GGA3: variants seen among roughly 807,000 people sequenced by gnomAD.
GGA3 encodes the protein ADP-ribosylation factor-binding protein GGA3.
GGA3 carries 57 observed loss-of-function variants against 77.5 expected under a neutral mutation model. The ratio of observed to expected loss-of-function variants is 0.74; its 90% CI spans 0.59 to 0.92. The LOEUF is 0.92. Ranked by LOEUF, GGA3 falls within the 40% of genes least tolerant of loss-of-function variation. The pLI is 0.00. For synonymous variants in GGA3, 416 were observed against 383.7 expected, an observed-to-expected ratio of 1.08 and a Z score of -0.98; for missense variants, 970 against 914.9, an observed-to-expected ratio of 1.06 and a Z score of -0.78.
upstream of GGA3, chr17:75,261,837 G>C: frequency 6.5e-7 from 1 of 1,539,608 alleles, no homozygotes. Flanking sequence ...TTTTTCACCC[G>C]TTTCCCGTCA....
chr17:75,256,759 G>A (rs1040679565), intron 1 of GGA3, among the ~76,000 whole-genome samples: 7 of 152,008 alleles, frequency 4.6e-5, no homozygotes, highest in African/African-American at 1.7e-4. Context: ...CATCAAGCTT[G>A]AAGATTTGCC....
chr17:75,240,350 G>C lies in GGA3; in HGVS notation c.1255C>G (p.Leu419Val), dbSNP rs2076500561. Residue 419 changes from leucine to valine, a missense_variant, in exon 12 of 17, where the codon CTG becomes GTG. Coordinates refer to ENST00000537686, the MANE Select transcript of GGA3 (RefSeq NM_138619.4). The stretch of plus-strand genomic sequence containing the variant: ...CGATCCTGTGCCCCTACCTGGAGCA[G>C]GTGCCACTGGCTGTTCCCAGCTGAC... ...KESAGNSQWHLLQREQSDLDF... is the reference protein window; with the variant it reads ...KESAGNSQWHVLQREQSDLDF... The C allele has an allele frequency of 1.3e-6, 2 of 1,594,102 alleles. No individual in the cohort carries two copies. Among genetic ancestry groups the C allele is most frequent in the Admixed American group, 1.8e-5 (1 of 56,740 alleles).
chr17:75,248,986 C>A, intron 1 of GGA3: 1 of 985,248 alleles, frequency 1.0e-6, no homozygotes, highest in Non-Finnish European at 1.2e-6. Context: ...GGCTCGGCCT[C>A]CCCGGCAGTG....
chr17:75,240,142 CGGGTGGGGAGGG>C, intron 12 of GGA3, 34 bp from the exon 13 acceptor site: 1 of 301,868 alleles, frequency 3.3e-6, no homozygotes, highest in Non-Finnish European at 6.3e-6. Context: ...GAGCCGAGGG[CGGGTGGGGAGGG>C]CCTGCCGCTG....
intron 1 of GGA3, among the ~76,000 whole-genome samples, chr17:75,255,762 CA>C (rs564229403): frequency 1.0e-3 from 156 of 152,316 alleles, no homozygotes; most frequent in African/African-American, 3.1e-3. Flanking sequence ...GGTACCAAAC[CA>C]TATACTCTCC....
In GGA3 at chr17:75,242,840, C is replaced by A; in HGVS notation, c.600G>T (p.Met200Ile). 6.2e-7 allele frequency: 1 copy of A among 1,613,520 alleles called. No individual in the cohort carries two copies. Among genetic ancestry groups the A allele is most frequent in the South Asian group, 1.1e-5 (1 of 91,086 alleles). ...ACCGGGGCCCACTCACTTCCTTCACCATGGACTTGATGAGCTTGTTGGCCT... is the reference window on the plus strand; with the variant it reads ...ACCGGGGCCCACTCACTTCCTTCACAATGGACTTGATGAGCTTGTTGGCCT... ...LQEANKLIKS[M>I]VKEDEARIQK... Residue 200 changes from methionine to isoleucine, a missense_variant, in exon 7 of 17, where the codon ATG becomes ATT. Physicochemically the swap from Met to Ile is conservative, Grantham distance 10. Transcript: ENST00000537686.
In GGA3 at chr17:75,239,826, G is replaced by C. The variant is rs773626971; in HGVS notation, c.1546C>G (p.Leu516Val). ...LALGNSALHH[L>V]DALDQLLEEA... ...TCTAGAAGCTGATCGAGGGCATCCA[G>C]GTGGTGCAGCGCGCTGTTGCCCAAC... The change falls in exon 13 of 17, where the codon CTG becomes GTG. Residue 516 changes from leucine (L) to valine (V), a missense_variant. By Grantham distance (32) the Leu-to-Val change is conservative (BLOSUM62 1). Transcript: ENST00000537686. 4 of 1,613,850 alleles carry C rather than the reference G, an allele frequency of 2.5e-6. No homozygotes were observed. The African/African-American group carries it at 4.0e-5, about 16-fold the overall frequency.
chr17:75,258,951 TC>T (rs2077249353), intron 1 of GGA3, among the ~76,000 whole-genome samples: 1 of 141,300 alleles, frequency 7.1e-6, no homozygotes, highest in Admixed American at 6.9e-5. Flanking sequence ...CTGCCTTGTA[TC>T]TTTTTTTTTT....
chr17:75,259,157 T>C (rs2077259654), intron 1 of GGA3, among the ~76,000 whole-genome samples: 1 of 152,042 alleles, frequency 6.6e-6, no homozygotes, highest in Non-Finnish European at 1.5e-5. Context: ...GGTTTCACTG[T>C]GTTAGCCAGG....
At chr17:75,244,203 C>A (rs2076675098) in intron 4 of GGA3, among the ~76,000 whole-genome samples, 1 of 152,136 alleles carries the variant, frequency 6.6e-6, no homozygotes, top group Non-Finnish European at 1.5e-5. Flanking sequence ...TAAGTGGGGG[C>A]CCAGAGCTGC....
chr17:75,241,362 T>C (rs778581598), intron 10 of GGA3, 38 bp downstream of exon 10: 1 of 1,326,718 alleles, frequency 7.5e-7, no homozygotes, highest in South Asian at 1.2e-5. Context: ...CTGAGGCTGG[T>C]CTGGAGGAGC....
chr17:75,240,174 G>A lies in GGA3; in HGVS notation c.1264-66C>T, dbSNP rs895977643. The A allele has an allele frequency of 7.5e-5, 100 of 1,329,448 alleles. 1 individual carries two copies. Among genetic ancestry groups the A allele is most frequent in the South Asian group, 4.6e-4 (36 of 78,044 alleles). 82.4% of individuals were successfully genotyped at this position (1,329,448 alleles called of 1,614,324 possible). ...GGAGGGCCTGCCGCTGGAACGGGGC[G>A]CAGCCCTCCAAGGACTGCACGGAAG... On this transcript the variant is annotated intron_variant, in intron 12 of 16. Coordinates refer to ENST00000537686, the MANE Select transcript of GGA3 (RefSeq NM_138619.4).
chr17:75,245,627 C>T (rs1235295743), intron 3 of GGA3, among the ~76,000 whole-genome samples: 2 of 152,116 alleles, frequency 1.3e-5, no homozygotes, highest in African/African-American at 4.8e-5. Context: ...CAGGCTCAAG[C>T]CATCCTTCAA....
At chr17:75,251,097 C>T (rs937337566) in intron 1 of GGA3, among the ~76,000 whole-genome samples, 10 of 151,706 alleles carry the variant, frequency 6.6e-5, no homozygotes, top group Admixed American at 4.6e-4. Flanking sequence ...GAAAAATCTA[C>T]GTAACAAATG....
chr17:75,253,877 C>T (rs183257640), intron 1 of GGA3, among the ~76,000 whole-genome samples: 31 of 152,242 alleles, frequency 2.0e-4, no homozygotes, highest in Non-Finnish European at 1.2e-4. Context: ...CTTAAAACCT[C>T]GTCAACTCGC....
At chr17:75,242,547 T>C (rs2076597837) in intron 7 of GGA3, 74 bp from the exon 8 acceptor site, 1 of 1,566,470 alleles carries the variant, frequency 6.4e-7, no homozygotes, top group Non-Finnish European at 8.8e-7. Context: ...GGTCACACCT[T>C]ACCCCACAAC....
upstream of GGA3, chr17:75,261,972 G>T (rs753358709): frequency 6.2e-7 from 1 of 1,602,226 alleles, no homozygotes; most frequent in Non-Finnish European, 8.5e-7. Flanking sequence ...GGGCTGTCTT[G>T]CAGCTTCCAG....
At chr17:75,245,118 G>C (rs557139912) in intron 3 of GGA3, among the ~76,000 whole-genome samples, 1 of 152,294 alleles carries the variant, frequency 6.6e-6, no homozygotes, top group East Asian at 1.9e-4. Context: ...ACCAACAATT[G>C]TGCAGGGAAT....
At chr17:75,244,799 GA>G (rs760409914) in intron 3 of GGA3, 82 bp from the exon 4 acceptor site, 3 of 871,170 alleles carry the variant, frequency 3.4e-6, no homozygotes, top group Non-Finnish European at 5.9e-6. Flanking sequence ...CTGGCACCCA[GA>G]GAGTACTGAA....
Sources: allele counts gnomAD v4.1 joint callset (sites outside exome capture counted in the v4.1 genomes callset), GRCh38; gene constraint gnomAD v4.1.1; transcripts MANE v1.5; gene names NCBI Gene and HGNC (gene_info 2026-07-23, HGNC 2026-07-21).